Variants in KCNH8 observed in about 807,000 individuals in gnomAD.
The protein encoded by KCNH8 is voltage-gated delayed rectifier potassium channel KCNH8.
KCNH8 carries 70 observed loss-of-function variants against 103.6 expected under a neutral mutation model. The observed-to-expected ratio is 0.68, with a 90% confidence interval of 0.56 to 0.82. KCNH8 has a LOEUF of 0.82. Ranked by LOEUF, KCNH8 falls within the 40% of genes least tolerant of loss-of-function variation. The pLI is 0.00. For synonymous variants in KCNH8, 498 were observed against 489.4 expected (o/e 1.02, Z -0.23); for missense variants, 1,217 against 1,329.9 (o/e 0.92, Z 1.32).
At chr3:19,330,374 A>C (rs1473632918) in intron 3 of KCNH8, among the ~76,000 whole-genome samples, 3 of 152,154 alleles carry the variant, frequency 2.0e-5, no homozygotes, top group African/African-American at 7.2e-5. Context: ...CTATTTTTCC[A>C]ACCATATATG....
At chr3:19,396,009 A>T (rs1356874556) in intron 7 of KCNH8, among the ~76,000 whole-genome samples, 1 of 152,070 alleles carries the variant, frequency 6.6e-6, no homozygotes, top group Non-Finnish European at 1.5e-5. Flanking sequence ...TTTATAGAAA[A>T]TGAAAATTCT....
At chr3:19,510,911 G>A (rs184470918) in intron 12 of KCNH8, among the ~76,000 whole-genome samples, 14 of 152,242 alleles carry the variant, frequency 9.2e-5, no homozygotes, top group African/African-American at 2.9e-4. Flanking sequence ...ACAGAGGCAC[G>A]CAAATAGATT....
chr3:19,477,698 C>G (rs1434378707), intron 11 of KCNH8, among the ~76,000 whole-genome samples: 1 of 152,040 alleles, frequency 6.6e-6, no homozygotes, highest in Non-Finnish European at 1.5e-5. Context: ...ATTATTATTG[C>G]TAATAAAATT....
intron 1 of KCNH8, among the ~76,000 whole-genome samples, chr3:19,207,088 A>G (rs1020837221): frequency 6.6e-6 from 1 of 152,016 alleles, no homozygotes; most frequent in Non-Finnish European, 1.5e-5. Flanking sequence ...TGTTGTTAGT[A>G]AAAATAAGGA....
At chr3:19,335,604 A>G (rs1385900056) in intron 3 of KCNH8, among the ~76,000 whole-genome samples, 1 of 151,374 alleles carries the variant, frequency 6.6e-6, no homozygotes, top group Non-Finnish European at 1.5e-5. Flanking sequence ...AGTTGTCAAA[A>G]GAATTATTTG....
chr3:19,250,061 C>T (rs1205924216), intron 1 of KCNH8, among the ~76,000 whole-genome samples: 1 of 152,044 alleles, frequency 6.6e-6, no homozygotes, highest in Admixed American at 6.6e-5. Context: ...TGACAAAACC[C>T]CATCTCTACA....
chr3:19,226,598 C>T (rs113059462), intron 1 of KCNH8, among the ~76,000 whole-genome samples: 3 of 150,276 alleles, frequency 2.0e-5, no homozygotes, highest in Admixed American at 6.6e-5. Flanking sequence ...CTCTCTCTCT[C>T]TCTGTCACAC....
chr3:19,434,641 G>A (rs1412895050), intron 7 of KCNH8, among the ~76,000 whole-genome samples: 6 of 152,172 alleles, frequency 3.9e-5, no homozygotes, highest in East Asian at 1.9e-4. Context: ...TGAAGTCCAC[G>A]AGGATGATTA....
At chr3:19,229,045 C>A (rs1028840230) in intron 1 of KCNH8, among the ~76,000 whole-genome samples, 1 of 152,194 alleles carries the variant, frequency 6.6e-6, no homozygotes, top group Admixed American at 6.5e-5. Context: ...AATTACTCAT[C>A]CAGCTGGACA....
rs370252068 is a variant in KCNH8, at chr3:19,529,055, T to C, written c.2620-4340T>C. Among the ~76,000 whole-genome samples, 12 of 152,160 alleles carry C rather than the reference T, an allele frequency of 7.9e-5. 1 individual carries two copies. The highest frequency in any genetic ancestry group is 2.4e-4 in the African/African-American group (10 of 41,536). ...GAGAAGAGCCCGCAGTCAGAAGGAATAGCATGCACCAGGGCAGTGAAGGGT... is the reference window on the plus strand; with the variant it reads ...GAGAAGAGCCCGCAGTCAGAAGGAACAGCATGCACCAGGGCAGTGAAGGGT... On this transcript the variant is annotated intron_variant, in intron 15 of 15. Transcript: ENST00000328405.
chr3:19,505,398 C>T (rs146327585), intron 11 of KCNH8, among the ~76,000 whole-genome samples: 2 of 152,102 alleles, frequency 1.3e-5, no homozygotes, highest in East Asian at 1.9e-4. Context: ...ATCAAACCCC[C>T]GTGACACAAG....
intron 7 of KCNH8, among the ~76,000 whole-genome samples, chr3:19,434,698 G>C (rs2067172367): frequency 1.3e-5 from 2 of 152,010 alleles, no homozygotes; most frequent in Non-Finnish European, 2.9e-5. Flanking sequence ...ATGTTAGTAA[G>C]AGTATTTTTT....
intron 3 of KCNH8, among the ~76,000 whole-genome samples, chr3:19,315,213 T>A (rs982418651): frequency 5.3e-5 from 8 of 151,862 alleles, no homozygotes. Flanking sequence ...CCAGAACTGG[T>A]AAAGAAAATG....
At chr3:19,234,029 G>C (rs2064028147) in intron 1 of KCNH8, among the ~76,000 whole-genome samples, 1 of 152,224 alleles carries the variant, frequency 6.6e-6, no homozygotes, top group South Asian at 2.1e-4. Context: ...TGTGGAAGGG[G>C]ACCCCAGCAG....
chr3:19,406,355 C>T (rs941427117), intron 7 of KCNH8, among the ~76,000 whole-genome samples: 1 of 152,006 alleles, frequency 6.6e-6, no homozygotes, highest in Non-Finnish European at 1.5e-5. Flanking sequence ...TTGAAACAAG[C>T]TTAATAAAAA....
At chr3:19,437,839 A>G (rs1206845864) in intron 7 of KCNH8, among the ~76,000 whole-genome samples, 1 of 152,188 alleles carries the variant, frequency 6.6e-6, no homozygotes, top group African/African-American at 2.4e-5. Flanking sequence ...TTAACAGGGC[A>G]AGTGAAATAA....
Position 19,456,985 on chromosome 3 carries a change from A to G in KCNH8, c.2040+3A>G. ...TCCGAGAAGGTCATGAGAGTGATGT[A>G]AGTCCCATTTCTAATTAGTGCTAAG... On this transcript the variant is annotated splice_donor_region_variant and intron_variant, in intron 11 of 15. Coordinates refer to ENST00000328405, the MANE Select transcript of KCNH8 (RefSeq NM_144633.3). 6.2e-7 allele frequency: 1 copy of G among 1,600,046 alleles called. No individual in the cohort carries two copies. The highest frequency in any genetic ancestry group is 8.6e-7 in the Non-Finnish European group (1 of 1,168,340).
intron 1 of KCNH8, among the ~76,000 whole-genome samples, chr3:19,244,524 T>C (rs7610550): frequency 0.039 from 5,899 of 152,200 alleles, 402 homozygotes; most frequent in African/African-American, 0.13. Flanking sequence ...TTCTGTTTTA[T>C]ATTCTTTGAG....
chr3:19,334,145 A>C (rs557333243), intron 3 of KCNH8, among the ~76,000 whole-genome samples: 1 of 152,104 alleles, frequency 6.6e-6, no homozygotes, highest in African/African-American at 2.4e-5. Flanking sequence ...TGAATGCAGG[A>C]TATTCTGGGA....
Sources: gnomAD v4.1 joint callset for allele counts (sites outside exome capture counted in the v4.1 genomes callset) on GRCh38, gnomAD v4.1.1 for gene constraint, MANE v1.5 for transcripts, NCBI Gene and HGNC (gene_info 2026-07-23, HGNC 2026-07-21) for gene names.